The following FYCO1 variants were observed in gnomAD, a reference collection of about 807,000 sequenced individuals.
FYCO1 encodes the protein FYVE and coiled-coil domain-containing protein 1.
Under a neutral mutation model 165.1 loss-of-function variants are expected in FYCO1, and 122 were observed. The observed-to-expected ratio is 0.74, with a 90% CI of 0.64 to 0.86. The LOEUF is 0.86. FYCO1 is among the 40% of genes least tolerant of loss of function. The pLI is 0.00. For synonymous variants in FYCO1, 648 were observed against 742.5 expected (o/e 0.87, Z 2.07); for missense variants, 1,702 against 1,810.3 (o/e 0.94, Z 1.09).
chr3:45,984,760 C>G, intron 2 of FYCO1, 96 bp downstream of exon 2: 1 of 1,322,380 alleles, frequency 7.6e-7, no homozygotes, highest in Non-Finnish European at 1.1e-6. Flanking sequence ...GTTGTGTGAA[C>G]AAAAATGAAA....
At chr3:45,981,803 G>A in intron 2 of FYCO1, 127 bp from the exon 3 acceptor site, 1 of 712,772 alleles carries the variant, frequency 1.4e-6, no homozygotes, top group Non-Finnish European at 2.5e-6. Flanking sequence ...ACATAAAAGG[G>A]TATGTAAGTA....
Position 45,921,368 on chromosome 3 carries a change from G to A in FYCO1, c.*397C>T. 1 of 327,620 alleles carries A rather than the reference G, an allele frequency of 3.1e-6. No individual in the cohort carries two copies. The highest frequency in any genetic ancestry group is 2.6e-5 in the South Asian group (1 of 38,574). The allele number at this position is 327,620 out of a possible 1,614,324, so 20.3% of individuals were successfully genotyped here. A position where few individuals can be genotyped will look rare whatever the true frequency, so the allele number is the denominator to read the frequency against. On this transcript the variant is annotated 3_prime_UTR_variant, in exon 18 of 18. Coordinates refer to ENST00000296137, the MANE Select transcript of FYCO1 (RefSeq NM_024513.4). ...CTCAGTCTCCAACATGCAGGGCCCT[G>A]GTGGGGCAGGGCAGAAAATCTCTCC...
At chr3:45,972,402 T>C (rs535920246) in intron 6 of FYCO1, among the ~76,000 whole-genome samples, 3 of 152,364 alleles carry the variant, frequency 2.0e-5, no homozygotes, top group African/African-American at 7.2e-5. Flanking sequence ...TATTTCCTAA[T>C]AAAAAATATG....
At chr3:45,963,220 G>A (rs550422339) in intron 10 of FYCO1, among the ~76,000 whole-genome samples, 3 of 152,070 alleles carry the variant, frequency 2.0e-5, no homozygotes, top group East Asian at 3.9e-4. Context: ...CAGCATATGT[G>A]TGTGCTTGCA....
intron 13 of FYCO1, among the ~76,000 whole-genome samples, chr3:45,956,408 A>G (rs1300889344): frequency 1.3e-5 from 2 of 152,152 alleles, no homozygotes; most frequent in Non-Finnish European, 2.9e-5. Context: ...TCAAAAATCA[A>G]AACAAGTGAC....
At chr3:45,925,216 C>T (rs1160073051) in intron 16 of FYCO1, among the ~76,000 whole-genome samples, 1 of 151,306 alleles carries the variant, frequency 6.6e-6, no homozygotes, top group East Asian at 1.9e-4. Flanking sequence ...GCGTGAGCCA[C>T]GGCGCCCAGC....
At chr3:45,972,620 G>GTA (rs1706503426) in intron 6 of FYCO1, among the ~76,000 whole-genome samples, 1 of 152,186 alleles carries the variant, frequency 6.6e-6, no homozygotes. Context: ...CCACACTGGT[G>GTA]TAAGATATGG....
chr3:45,931,598 A>G (rs2125798589), intron 15 of FYCO1, among the ~76,000 whole-genome samples: 1 of 152,344 alleles, frequency 6.6e-6, no homozygotes, highest in South Asian at 2.1e-4. Flanking sequence ...GACCTGCTCC[A>G]CGGCCCTCAT....
intron 5 of FYCO1, among the ~76,000 whole-genome samples, chr3:45,974,451 A>G (rs553186275): frequency 6.6e-6 from 1 of 152,362 alleles, no homozygotes; most frequent in South Asian, 2.1e-4. Context: ...TTCAGCTCAC[A>G]TCAATTCACA....
rs543629765 is a variant in FYCO1, at chr3:45,921,511, C to G, written c.*254G>C. 1.9e-4 allele frequency: 95 copies of G among 489,860 alleles called. No individual in the cohort carries two copies. The highest frequency in any genetic ancestry group is 1.8e-3 in the African/African-American group (92 of 51,118). The allele number at this position is 489,860 out of a possible 1,614,324, so 30.3% of individuals were successfully genotyped here. On this transcript the variant is annotated 3_prime_UTR_variant, in exon 18 of 18. Transcript: ENST00000296137. ...GGTGTTTAAACCTTTGGCAGAGCAT[C>G]CCTTTGGGTGTGACAACAGCTGAGT...
At chr3:45,933,956 T>C (rs192088155) in intron 15 of FYCO1, among the ~76,000 whole-genome samples, 53 of 151,836 alleles carry the variant, frequency 3.5e-4, no homozygotes, top group South Asian at 1.3e-3. Context: ...AAGTACCAAA[T>C]GGAAATTTTA....
At chr3:45,935,715 A>C (rs772155270) in intron 15 of FYCO1, among the ~76,000 whole-genome samples, 1 of 152,154 alleles carries the variant, frequency 6.6e-6, no homozygotes, top group Non-Finnish European at 1.5e-5. Flanking sequence ...TACAATATTG[A>C]CTTATTTAAT....
chr3:45,925,902 A>G (rs1406422708), intron 16 of FYCO1, among the ~76,000 whole-genome samples: 1 of 152,222 alleles, frequency 6.6e-6, no homozygotes, highest in Admixed American at 6.5e-5. Context: ...ATTTAAAGGC[A>G]TGGGAGAATA....
chr3:45,924,921 C>T (rs955241515), intron 16 of FYCO1, among the ~76,000 whole-genome samples: 4 of 119,118 alleles, frequency 3.4e-5, no homozygotes, highest in Non-Finnish European at 7.1e-5. Flanking sequence ...CTAGAGCCAA[C>T]CAACATTTAA....
In FYCO1 at chr3:45,962,407, G is replaced by GT. The variant is rs761951083; in HGVS notation, c.3270-16dup. ...CCTTCTGGGTCCTGGGGGAGGAGTG[G>GT]TAAGTTTTCTTGATTAGCCAGGACT... On this transcript the variant is annotated splice_polypyrimidine_tract_variant and intron_variant, in intron 10 of 17. Transcript: ENST00000296137. This position sits in a 1 kb window ranked among gnomAD's most constrained non-coding sequence, Gnocchi z 4.4. 1 of 1,613,550 alleles carries GT rather than the reference G, an allele frequency of 6.2e-7. No homozygotes were observed. Among genetic ancestry groups the GT allele is most frequent in the African/African-American group, 1.3e-5 (1 of 74,882 alleles).
rs947361844 is a variant in FYCO1, at chr3:45,918,779, C to T, written c.*2986G>A. On this transcript the variant is annotated 3_prime_UTR_variant, in exon 18 of 18. Transcript: ENST00000296137. ...TATGACGTGGCTTTTCATTTCTATT[C>T]TCCAAACCCTGTGGAGTTTTTCAGT... 2.0e-5 allele frequency: 3 copies of T among 152,212 alleles called. No individual in the cohort carries two copies. Among genetic ancestry groups the T allele is most frequent in the South Asian group, 2.1e-4 (1 of 4,822 alleles). The allele number at this position is 152,212 out of a possible 1,614,324, so 9.4% of individuals were successfully genotyped here. A position where few individuals can be genotyped will look rare whatever the true frequency, so the allele number is the denominator to read the frequency against.
Position 45,964,994 on chromosome 3 carries a change from A to C in FYCO1, c.3150+39T>G. 1 of 1,542,636 alleles carries C rather than the reference A, an allele frequency of 6.5e-7. No homozygotes were observed. The highest frequency in any genetic ancestry group is 9.0e-7 in the Non-Finnish European group (1 of 1,115,770). On this transcript the variant is annotated intron_variant, in intron 9 of 17. Transcript: ENST00000296137. This position sits in a 1 kb window ranked among gnomAD's most constrained non-coding sequence, Gnocchi z 4.1. ...AATGGTCCAGTCAAAACCACACCAGATGCCCTCTCCCTGACAGGTCTACAC... is the reference window on the plus strand; with the variant it reads ...AATGGTCCAGTCAAAACCACACCAGCTGCCCTCTCCCTGACAGGTCTACAC...
chr3:45,965,254 G>A, intron 8 of FYCO1, 129 bp from the exon 9 acceptor site: 1 of 705,508 alleles, frequency 1.4e-6, no homozygotes. Flanking sequence ...GCTCCTCAAT[G>A]AGCTTTGGGT....
At position 45,968,603 on chromosome 3, in the gene FYCO1, A is replaced by C. The variant is rs1706247554; in HGVS notation, c.731T>G (p.Val244Gly). The C allele has an allele frequency of 6.2e-7, 1 of 1,613,508 alleles. No individual in the cohort carries two copies. ...EMRLELDQLE[V>G]REKQLRERMQ... ...GCGCTCCCGTAGCTGCTTCTCCCGC[A>C]CCTCCAACTGGTCCAGCTCTAGTCG... Residue 244 changes from valine (V) to glycine (G), a missense_variant, in exon 8 of 18, where the codon GTG becomes GGG. Coordinates refer to ENST00000296137, the MANE Select transcript of FYCO1 (RefSeq NM_024513.4).
Sources: gnomAD v4.1 joint callset for allele counts (sites outside exome capture counted in the v4.1 genomes callset) on GRCh38, gnomAD v4.1.1 for gene constraint, Gnocchi (gnomAD v3.1) non-coding constraint, MANE v1.5 for transcripts, NCBI Gene and HGNC (gene_info 2026-07-23, HGNC 2026-07-21) for gene names.